FBXL7: variants seen among roughly 807,000 people sequenced by gnomAD.
The protein encoded by FBXL7 is F-box and leucine rich repeat protein 7, also known as F-box/LRR-repeat protein 7.
FBXL7 carries 12 observed loss-of-function variants against 38.3 expected under a neutral mutation model. The ratio of observed to expected loss-of-function variants is 0.31; its 90% CI spans 0.20 to 0.51. The LOEUF is 0.51. Among genes scored for constraint, FBXL7 ranks in the 20% least tolerant of loss-of-function variants. The pLI is 0.98. For synonymous variants in FBXL7, 297 were observed against 300.9 expected, an observed-to-expected ratio of 0.99 and a Z score of 0.13; for missense variants, 567 against 676.4, an observed-to-expected ratio of 0.84 and a Z score of 1.79.
At chr5:15,579,962 G>A (rs1739083537) in intron 1 of FBXL7, among the ~76,000 whole-genome samples, 1 of 152,188 alleles carries the variant, frequency 6.6e-6, no homozygotes, top group Admixed American at 6.5e-5. Flanking sequence ...GACAGCCTGG[G>A]AGGTCATGCA....
chr5:15,810,840 T>C (rs1223424015), intron 2 of FBXL7, among the ~76,000 whole-genome samples: 2 of 152,380 alleles, frequency 1.3e-5, no homozygotes, highest in Non-Finnish European at 2.9e-5. Context: ...TTATTTATTT[T>C]GTATTTTCAT....
At chr5:15,735,627 T>TAA (rs2126668822) in intron 2 of FBXL7, among the ~76,000 whole-genome samples, 1 of 152,376 alleles carries the variant, frequency 6.6e-6, no homozygotes, top group East Asian at 1.9e-4. Context: ...TTTCCACAGC[T>TAA]ATTTAAAACC....
intron 2 of FBXL7, among the ~76,000 whole-genome samples, chr5:15,917,147 C>G (rs558580186): frequency 3.3e-5 from 5 of 152,180 alleles, no homozygotes; most frequent in Admixed American, 6.5e-5. Flanking sequence ...CTTTCCACCT[C>G]AACAGTGTTT....
chr5:15,686,660 C>A (rs893108090), intron 2 of FBXL7, among the ~76,000 whole-genome samples: 4 of 151,962 alleles, frequency 2.6e-5, no homozygotes, highest in Non-Finnish European at 1.5e-5. Flanking sequence ...TAGAAAGAAA[C>A]CTCAATTTAT....
intron 1 of FBXL7, among the ~76,000 whole-genome samples, chr5:15,613,885 G>A (rs907707492): frequency 2.6e-5 from 4 of 152,138 alleles, no homozygotes; most frequent in Admixed American, 2.0e-4. Flanking sequence ...AGATCAAGGT[G>A]CCAGCAGATT....
intron 2 of FBXL7, among the ~76,000 whole-genome samples, chr5:15,758,457 C>T (rs1026763411): frequency 1.3e-5 from 2 of 151,692 alleles, no homozygotes; most frequent in Admixed American, 6.6e-5. Context: ...TTTTATCCAG[C>T]CCAAAGTGTC....
intron 2 of FBXL7, among the ~76,000 whole-genome samples, chr5:15,794,266 C>A (rs1737357243): frequency 6.6e-6 from 1 of 152,186 alleles, no homozygotes; most frequent in Non-Finnish European, 1.5e-5. Context: ...AACACTCAGA[C>A]TGTTTCCATA....
chr5:15,852,432 C>G (rs1026071306), intron 2 of FBXL7, among the ~76,000 whole-genome samples: 5 of 152,106 alleles, frequency 3.3e-5, no homozygotes, highest in Admixed American at 2.0e-4. Context: ...ATATTTGGCC[C>G]CAAACTACCC....
intron 2 of FBXL7, among the ~76,000 whole-genome samples, chr5:15,700,997 T>C (rs1284789410): frequency 6.6e-6 from 1 of 152,226 alleles, no homozygotes; most frequent in Non-Finnish European, 1.5e-5. Flanking sequence ...TAAAAAAATC[T>C]GAATTAGCCA....
At chr5:15,571,438 G>C (rs1738778167) in intron 1 of FBXL7, among the ~76,000 whole-genome samples, 1 of 152,146 alleles carries the variant, frequency 6.6e-6, no homozygotes, top group Admixed American at 6.5e-5. Flanking sequence ...GAAGGTGTTT[G>C]CTTTAAGATA....
chr5:15,559,539 C>T (rs879432027), intron 1 of FBXL7, among the ~76,000 whole-genome samples: 12 of 152,132 alleles, frequency 7.9e-5, no homozygotes, highest in Non-Finnish European at 1.6e-4. Context: ...TCTCTAAAAA[C>T]GATCCTAAAA....
At chr5:15,612,613 A>C (rs2126513226) in intron 1 of FBXL7, among the ~76,000 whole-genome samples, 1 of 152,196 alleles carries the variant, frequency 6.6e-6, no homozygotes, top group South Asian at 2.1e-4. Flanking sequence ...TCCTGCCATG[A>C]GTTATATTGT....
At chr5:15,560,466 C>G (rs1738378615) in intron 1 of FBXL7, among the ~76,000 whole-genome samples, 2 of 152,172 alleles carry the variant, frequency 1.3e-5, no homozygotes, top group Admixed American at 6.6e-5. Flanking sequence ...AATTGACCAG[C>G]CTCCTGGGCT....
At chr5:15,771,251 CTTA>C (rs1340686651) in intron 2 of FBXL7, among the ~76,000 whole-genome samples, 2 of 152,176 alleles carry the variant, frequency 1.3e-5, no homozygotes, top group Non-Finnish European at 2.9e-5. Flanking sequence ...CACCATACAT[CTTA>C]TTGACACTTT....
chr5:15,754,305 G>T (rs887784855), intron 2 of FBXL7, among the ~76,000 whole-genome samples: 1 of 152,178 alleles, frequency 6.6e-6, no homozygotes, highest in Non-Finnish European at 1.5e-5. Flanking sequence ...GAGTAGAACT[G>T]AATAAGAGCA....
intron 1 of FBXL7, among the ~76,000 whole-genome samples, chr5:15,588,126 A>G (rs1333880312): frequency 1.3e-5 from 2 of 152,192 alleles, no homozygotes; most frequent in Admixed American, 6.5e-5. Context: ...ACTTTACAGC[A>G]TTATGTCTGG....
At chr5:15,835,842 G>T (rs1738579037) in intron 2 of FBXL7, among the ~76,000 whole-genome samples, 1 of 152,124 alleles carries the variant, frequency 6.6e-6, no homozygotes, top group Admixed American at 6.6e-5. Flanking sequence ...CTGTTAAGTT[G>T]TAGTCCTTTG....
intron 2 of FBXL7, among the ~76,000 whole-genome samples, chr5:15,730,120 G>A (rs1735539352): frequency 6.6e-6 from 1 of 152,022 alleles, no homozygotes; most frequent in Non-Finnish European, 1.5e-5. Flanking sequence ...CATATTAATA[G>A]AATTCTCTTG....
At chr5:15,903,446 C>G (rs1257354872) in intron 2 of FBXL7, among the ~76,000 whole-genome samples, 1 of 152,208 alleles carries the variant, frequency 6.6e-6, no homozygotes, top group Non-Finnish European at 1.5e-5. Flanking sequence ...GAAAGTCTTT[C>G]TGACTAGCAA....
Sources: gnomAD v4.1 joint callset for allele counts (sites outside exome capture counted in the v4.1 genomes callset) on GRCh38, gnomAD v4.1.1 for gene constraint, MANE v1.5 for transcripts, NCBI Gene and HGNC (gene_info 2026-07-23, HGNC 2026-07-21) for gene names.